The following REL variants were observed in gnomAD, a reference collection of about 807,000 sequenced individuals.
The protein encoded by REL is REL proto-oncogene, NF-kB subunit, also known as proto-oncogene c-Rel.
Under a neutral mutation model 45.9 loss-of-function variants are expected in REL, and 15 were observed. The observed-to-expected ratio is 0.33, with a 90% CI of 0.22 to 0.50. REL has a LOEUF of 0.50. Among genes scored for constraint, REL ranks in the 20% least tolerant of loss-of-function variants. The probability of loss-of-function intolerance (pLI) is 0.98; values close to 1 mark genes in which losing one functional copy is unlikely to be tolerated. For missense variants in REL, 601 were observed against 715.2 expected, an observed-to-expected ratio of 0.84 and a Z score of 1.82; for synonymous variants, 239 against 242.1, an observed-to-expected ratio of 0.99 and a Z score of 0.12.
chr2:60,890,182 C>A (rs1673172383), intron 1 of REL, among the ~76,000 whole-genome samples: 1 of 152,154 alleles, frequency 6.6e-6, no homozygotes, highest in African/African-American at 2.4e-5. Flanking sequence ...TTTTGATTTG[C>A]ATTTCTCTGA....
rs1674153121 is a variant in REL at position 60,921,957 on chromosome 2, C to T, written c.1186C>T (p.Leu396=). The change falls in exon 10 of 10, where the codon CTG becomes TTG. Residue 396 remains leucine, a synonymous_variant. Coordinates refer to ENST00000394479, the MANE Select transcript of REL (RefSeq NM_001291746.2). ...CCCACGCTCAGGCAATACAAACCCA[C>T]TGAGTAGTTTTTCAACAAGGACACT... is the stretch of plus-strand genomic sequence containing the variant. ...PTPRSGNTNP[L]SSFSTRTLPS... 1 of 1,614,186 alleles carries T rather than the reference C, an allele frequency of 6.2e-7. No individual in the cohort carries two copies. The highest frequency in any genetic ancestry group is 8.5e-7 in the Non-Finnish European group (1 of 1,180,048).
rs75771567 is a variant in REL at position 60,926,096 on chromosome 2, T to C, written c.*3561T>C. The C allele has an allele frequency of 2.3e-3, 523 of 231,634 alleles. 3 individuals are homozygous for C. Among genetic ancestry groups the C allele is most frequent in the African/African-American group, 0.011 (501 of 45,358 alleles). 14.3% of individuals were successfully genotyped at this position (231,634 alleles called of 1,614,324 possible). A position where few individuals can be genotyped will look rare whatever the true frequency, so the allele number is the denominator to read the frequency against. ...GCTCTTTTAACACCTGCTTTTAGTATCTGAGGCACTTTTTCTGAACTCTAC... is the reference window on the plus strand; with the variant it reads ...GCTCTTTTAACACCTGCTTTTAGTACCTGAGGCACTTTTTCTGAACTCTAC... On this transcript the variant is annotated 3_prime_UTR_variant, in exon 10 of 10. Transcript: ENST00000394479.
At chr2:60,917,680 C>CTGTGTGTGTGTGTGTGTGTG (rs34038794) in intron 5 of REL, among the ~76,000 whole-genome samples, 5 of 142,248 alleles carry the variant, frequency 3.5e-5, no homozygotes, top group African/African-American at 5.3e-5. Flanking sequence ...CCCCAAAATA[C>CTGTGTGTGTGTGTGTGTGTG]TGTGTGTGTG....
rs1334834091 is a variant in REL at position 60,881,952 on chromosome 2, G to A, written c.10+102G>A. ...GGGAGCTCAGTTTTTGCTGGGGCGC[G>A]TTCTGTCTTTAAAATCTCATATGGT... On this transcript the variant is annotated intron_variant, in intron 1 of 9. Transcript: ENST00000394479. 13 of 754,978 alleles carry A rather than the reference G, an allele frequency of 1.7e-5. No individual in the cohort carries two copies. In the South Asian group the frequency reaches 2.5e-4, roughly 14 times the overall value. The allele number at this position is 754,978 out of a possible 1,614,324, so 46.8% of individuals were successfully genotyped here.
intron 8 of REL, 34 bp downstream of exon 8, chr2:60,920,143 AG>A (rs745390637): frequency 4.2e-6 from 6 of 1,418,342 alleles, no homozygotes; most frequent in Admixed American, 4.0e-5. Flanking sequence ...ATATTTAAAT[AG>A]GTTTTGTTTT....
intron 3 of REL, chr2:60,900,445 G>C (rs1030076232): frequency 1.3e-5 from 2 of 151,906 alleles, no homozygotes; most frequent in African/African-American, 4.8e-5. Context: ...AGGCATATTA[G>C]TAATTGTAAA....
intron 4 of REL, among the ~76,000 whole-genome samples, chr2:60,910,482 CAAA>C (rs11311284): frequency 1.0e-4 from 14 of 138,348 alleles, no homozygotes; most frequent in Admixed American, 3.0e-4. Context: ...AAACAAAAAA[CAAA>C]AAAAAAAAAA....
At chr2:60,916,776 G>A in intron 4 of REL, 101 bp from the exon 5 acceptor site, 2 of 657,252 alleles carry the variant, frequency 3.0e-6, no homozygotes, top group Non-Finnish European at 5.1e-6. Context: ...ATATTTGGAT[G>A]CTATTCAAGG....
At position 60,882,897 on chromosome 2, in the gene REL, G is replaced by C. The variant is rs562832610; in HGVS notation, c.10+1047G>C. On this transcript the variant is annotated intron_variant, in intron 1 of 9. Coordinates refer to ENST00000394479, the MANE Select transcript of REL (RefSeq NM_001291746.2). ...AATAAATGCTCGATCTCTCCCTTTG[G>C]GGGGGAATAAGTTTGTAAGAAACAT... Among the ~76,000 whole-genome samples, 12 of 152,222 alleles carry C rather than the reference G, an allele frequency of 7.9e-5. No homozygotes were observed. The South Asian group carries it at 1.2e-3, about 16-fold the overall frequency.
In REL at chr2:60,924,610, T is replaced by C. The variant is rs1407701244; in HGVS notation, c.*2075T>C. 3 of 214,392 alleles carry C rather than the reference T, an allele frequency of 1.4e-5. No homozygotes were observed. Among genetic ancestry groups the C allele is most frequent in the Non-Finnish European group, 2.8e-5 (3 of 106,212 alleles). 13.3% of individuals were successfully genotyped at this position (214,392 alleles called of 1,614,324 possible). ...ATTTGGGTAATCTTTTTTTTCCTTTTATGAAAAGAGATTTTATTGAAGGTA... is the reference window on the plus strand; with the variant it reads ...ATTTGGGTAATCTTTTTTTTCCTTTCATGAAAAGAGATTTTATTGAAGGTA... On this transcript the variant is annotated 3_prime_UTR_variant, in exon 10 of 10. Transcript: ENST00000394479.
rs1366273677 is a variant in REL, at chr2:60,916,891, C to T, written c.409C>T (p.Leu137=). 6.2e-7 allele frequency: 1 copy of T among 1,611,720 alleles called. No homozygotes were observed. The highest frequency in any genetic ancestry group is 1.3e-5 in the African/African-American group (1 of 74,780). The change falls in exon 5 of 10, where the codon CTG becomes TTG. Residue 137 remains leucine, a synonymous_variant. Coordinates refer to ENST00000394479, the MANE Select transcript of REL (RefSeq NM_001291746.2). ...TTTCTATTCAGTCCCTGAAAAACAG[C>T]TGAATGATATTGAAGATTGTGACCT... ...INPFNVPEKQ[L]NDIEDCDLNV...
chr2:60,911,033 A>G (rs956588626), intron 4 of REL, among the ~76,000 whole-genome samples: 1 of 152,256 alleles, frequency 6.6e-6, no homozygotes, highest in Non-Finnish European at 1.5e-5. Flanking sequence ...GCCTACAGCA[A>G]GCATTATCCT....
At chr2:60,896,589 C>G (rs1247961079) in intron 3 of REL, among the ~76,000 whole-genome samples, 2 of 152,044 alleles carry the variant, frequency 1.3e-5, no homozygotes, top group Non-Finnish European at 2.9e-5. Flanking sequence ...GAAAAAAATA[C>G]TTTAAATGCT....
Position 60,918,182 on chromosome 2 carries a change from T to C in REL, c.536-9T>C. Reference sequence around the variant, plus strand: ...GCAACTCATTTTTTTGAAAATCCTTTATATTTAGGTGCTCCAAATACTGCA... The same window carrying C: ...GCAACTCATTTTTTTGAAAATCCTTCATATTTAGGTGCTCCAAATACTGCA... On this transcript the variant is annotated splice_polypyrimidine_tract_variant and intron_variant, in intron 5 of 9. Coordinates refer to ENST00000394479, the MANE Select transcript of REL (RefSeq NM_001291746.2). 1 of 1,531,228 alleles carries C rather than the reference T, an allele frequency of 6.5e-7. No homozygotes were observed. Among genetic ancestry groups the C allele is most frequent in the South Asian group, 1.2e-5 (1 of 83,322 alleles). 94.9% of individuals were successfully genotyped at this position (1,531,228 alleles called of 1,614,324 possible). A position where few individuals can be genotyped will look rare whatever the true frequency, so the allele number is the denominator to read the frequency against.
At position 60,891,705 on chromosome 2, in the gene REL, G is replaced by T. The variant is rs201045327; in HGVS notation, c.33G>T (p.Glu11Asp). ...CAGGTGCGTATAACCCGTATATAGAGATAATTGAACAACCCAGGCAGAGGG... is the reference window on the plus strand; with the variant it reads ...CAGGTGCGTATAACCCGTATATAGATATAATTGAACAACCCAGGCAGAGGG... MASGAYNPYI[E>D]IIEQPRQRGM... Residue 11 changes from glutamate (E) to aspartate (D), a missense_variant, in exon 2 of 10, where the codon GAG becomes GAT. By Grantham distance (45) the Glu-to-Asp change is conservative. Transcript: ENST00000394479. The T allele has an allele frequency of 3.1e-6, 5 of 1,613,796 alleles. No individual in the cohort carries two copies. In the East Asian group the frequency reaches 1.1e-4, roughly 36 times the overall value.
rs1041448560 is a variant in REL, at chr2:60,930,830, A to G, written c.*8295A>G. On this transcript the variant is annotated 3_prime_UTR_variant, in exon 10 of 10. Coordinates refer to ENST00000394479, the MANE Select transcript of REL (RefSeq NM_001291746.2). ...GTTGTTTCCACAACTTTAGTTTACT[A>G]TTGGACTTTCAAAAATTTAAAGAAT... 6.6e-6 allele frequency: 1 copy of G among 152,346 alleles called. No homozygotes were observed. Among genetic ancestry groups the G allele is most frequent in the Non-Finnish European group, 1.5e-5 (1 of 68,024 alleles). The allele number at this position is 152,346 out of a possible 1,614,324, so 9.4% of individuals were successfully genotyped here. A position where few individuals can be genotyped will look rare whatever the true frequency, so the allele number is the denominator to read the frequency against.
intron 1 of REL, among the ~76,000 whole-genome samples, chr2:60,885,964 T>A (rs1001804210): frequency 2.6e-5 from 4 of 152,234 alleles, no homozygotes; most frequent in African/African-American, 9.6e-5. Flanking sequence ...TGAATAAGGT[T>A]CTTTTTTAAG....
chr2:60,902,334 T>C (rs2103949275), intron 4 of REL, among the ~76,000 whole-genome samples: 1 of 152,330 alleles, frequency 6.6e-6, no homozygotes, highest in South Asian at 2.1e-4. Context: ...AGTCACCTTC[T>C]TCCCTTCCAG....
chr2:60,916,441 C>T lies in REL; in HGVS notation c.395-436C>T, dbSNP rs139330492. Among the ~76,000 whole-genome samples the T allele has an allele frequency of 3.3e-3, 499 of 152,138 alleles. 6 individuals are homozygous for T. Among genetic ancestry groups the T allele is most frequent in the African/African-American group, 0.012 (478 of 41,522 alleles). ...AAAAAACGAACTAAACTCAGTTCCT[C>T]GTTTGTAAAATGGGGATGAAAGTAA... On this transcript the variant is annotated intron_variant, in intron 4 of 9. Coordinates refer to ENST00000394479, the MANE Select transcript of REL (RefSeq NM_001291746.2).
Sources: allele counts gnomAD v4.1 joint callset (sites outside exome capture counted in the v4.1 genomes callset), GRCh38; gene constraint gnomAD v4.1.1; transcripts MANE v1.5; gene names NCBI Gene and HGNC (gene_info 2026-07-23, HGNC 2026-07-21).